ITGA9: variants seen among roughly 807,000 people sequenced by gnomAD.
The protein encoded by ITGA9 is integrin alpha-9.
In ITGA9, 56 loss-of-function variants were observed where a neutral mutation model predicts 127.8. The ratio of observed to expected loss-of-function variants is 0.44; its 90% CI spans 0.35 to 0.55. The LOEUF is 0.55. Ranked by LOEUF, ITGA9 falls within the 20% of genes least tolerant of loss-of-function variation. ITGA9 has a pLI of 0.00. For missense variants in ITGA9, 1,196 were observed against 1,347.1 expected (o/e 0.89, Z 1.76); for synonymous variants, 508 against 514.5 (o/e 0.99, Z 0.17).
Position 37,452,346 on chromosome 3 carries a change from G to C in ITGA9, c.-29G>C, listed in dbSNP as rs1239799985. 3.6e-6 allele frequency: 4 copies of C among 1,105,996 alleles called. No homozygotes were observed. The African/African-American group carries it at 6.7e-5, about 19-fold the overall frequency. 68.5% of individuals were successfully genotyped at this position (1,105,996 alleles called of 1,614,324 possible). A position where few individuals can be genotyped will look rare whatever the true frequency, so the allele number is the denominator to read the frequency against. On this transcript the variant is annotated 5_prime_UTR_variant, in exon 1 of 28. Coordinates refer to ENST00000264741, the MANE Select transcript of ITGA9 (RefSeq NM_002207.3). This position sits in a 1 kb window ranked among gnomAD's most constrained non-coding sequence, Gnocchi z 7.3. The stretch of plus-strand genomic sequence containing the variant: ...GCGCGCTCGGCGCCCTGCTCGCCGG[G>C]CAGAGGGGAAGGCGGCGGCCGGCTG...
rs1317450903 is a variant in ITGA9, at chr3:37,597,383, A to G, written c.1690-31804A>G. On this transcript the variant is annotated intron_variant, in intron 15 of 27. Transcript: ENST00000264741. This position sits in a 1 kb window ranked among gnomAD's most constrained non-coding sequence, Gnocchi z 4.6. The stretch of plus-strand genomic sequence containing the variant: ...GATCAGCCAAGCTGCAGGATAGGTG[A>G]CAGATATGAAACGATAAATGTGGAG... Among the ~76,000 whole-genome samples the G allele has an allele frequency of 6.6e-6, 1 of 152,096 alleles. No homozygotes were observed. Among genetic ancestry groups the G allele is most frequent in the Non-Finnish European group, 1.5e-5 (1 of 68,016 alleles).
rs536324277 is a variant in ITGA9, at chr3:37,724,304, GACCT to G, written c.2068-8404_2068-8401del. 1.7e-3 allele frequency among the ~76,000 whole-genome samples: 261 copies of G among 152,194 alleles called. 3 individuals carry two copies. The South Asian group carries it at 0.024, about 14-fold the overall frequency. ...ATGAGGCAAATTCTTATCCTTTCAA[GACCT>G]ACCCTAGAGTCACCTTTTTTGATAT... On this transcript the variant is annotated intron_variant, in intron 18 of 27. Coordinates refer to ENST00000264741, the MANE Select transcript of ITGA9 (RefSeq NM_002207.3).
chr3:37,698,561 AAT>A (rs1700913071), intron 18 of ITGA9, among the ~76,000 whole-genome samples: 1 of 152,178 alleles, frequency 6.6e-6, no homozygotes, highest in Non-Finnish European at 1.5e-5. Context: ...AATATGCCAC[AAT>A]ATGTTTTCTC....
chr3:37,684,085 TGG>T, intron 18 of ITGA9, 70 bp downstream of exon 18: 3 of 1,277,436 alleles, frequency 2.3e-6, no homozygotes, highest in Non-Finnish European at 3.4e-6. Flanking sequence ...CATTATTGCC[TGG>T]AATAGGCAAT....
chr3:37,727,343 G>A (rs1034077297), intron 18 of ITGA9, among the ~76,000 whole-genome samples: 21 of 152,256 alleles, frequency 1.4e-4, no homozygotes, highest in South Asian at 2.1e-4. Context: ...AATATTGAAC[G>A]TCTTTGCCAG....
chr3:37,779,786 C>A, intron 24 of ITGA9, 116 bp from the exon 25 acceptor site: 1 of 976,370 alleles, frequency 1.0e-6, no homozygotes, highest in Non-Finnish European at 1.6e-6. Context: ...TTGTGGATTT[C>A]CTCTGCCTGG....
chr3:37,471,239 C>G (rs1698428132), intron 2 of ITGA9, 105 bp downstream of exon 2: 1 of 1,232,792 alleles, frequency 8.1e-7, no homozygotes, highest in Non-Finnish European at 1.2e-6. Context: ...TCCATCCTTC[C>G]CTCCTTCCCT....
chr3:37,757,967 C>G (rs1046721448), intron 23 of ITGA9, among the ~76,000 whole-genome samples: 4 of 151,636 alleles, frequency 2.6e-5, no homozygotes, highest in Non-Finnish European at 4.4e-5. Context: ...GGCACACTCA[C>G]GCAAAAATAG....
At chr3:37,773,895 A>AT (rs1696873798) in intron 23 of ITGA9, among the ~76,000 whole-genome samples, 1 of 152,270 alleles carries the variant, frequency 6.6e-6, no homozygotes, top group Non-Finnish European at 1.5e-5. Flanking sequence ...TTAAAATTTT[A>AT]TAAGAATGAT....
At chr3:37,669,852 A>G (rs1700620915) in intron 17 of ITGA9, among the ~76,000 whole-genome samples, 1 of 152,190 alleles carries the variant, frequency 6.6e-6, no homozygotes, top group Non-Finnish European at 1.5e-5. Flanking sequence ...ACCCAAGGGA[A>G]TGGAAGGGGG....
intron 1 of ITGA9, among the ~76,000 whole-genome samples, chr3:37,463,509 A>T (rs1390431324): frequency 1.3e-5 from 2 of 152,160 alleles, no homozygotes; most frequent in Non-Finnish European, 2.9e-5. Flanking sequence ...CTGGGCTTGT[A>T]CACATGGTGG....
intron 22 of ITGA9, among the ~76,000 whole-genome samples, chr3:37,745,267 C>T (rs1696487300): frequency 6.6e-6 from 1 of 152,176 alleles, no homozygotes; most frequent in Non-Finnish European, 1.5e-5. Flanking sequence ...AACCATGATA[C>T]ATAACACATG....
chr3:37,766,089 G>A (rs555170963), intron 23 of ITGA9, among the ~76,000 whole-genome samples: 2 of 152,224 alleles, frequency 1.3e-5, no homozygotes, highest in Non-Finnish European at 2.9e-5. Flanking sequence ...TACCAAAGTC[G>A]ATAACAGGAA....
intron 23 of ITGA9, among the ~76,000 whole-genome samples, chr3:37,755,158 G>A (rs1039456388): frequency 6.6e-6 from 1 of 152,158 alleles, no homozygotes; most frequent in Non-Finnish European, 1.5e-5. Context: ...ACCTTCATAA[G>A]GTAAGATCAG....
At chr3:37,540,936 G>A (rs189634291) in intron 14 of ITGA9, among the ~76,000 whole-genome samples, 21 of 152,348 alleles carry the variant, frequency 1.4e-4, no homozygotes, top group South Asian at 4.1e-4. Context: ...ACAAGTTGGG[G>A]CAGATGGCTC....
intron 23 of ITGA9, among the ~76,000 whole-genome samples, chr3:37,755,540 T>C (rs201421406): frequency 1.3e-5 from 2 of 152,178 alleles, no homozygotes; most frequent in African/African-American, 4.8e-5. Context: ...AGTGTTTCCA[T>C]GAAACAGAAT....
chr3:37,783,953 A>C (rs1697008523), intron 25 of ITGA9, among the ~76,000 whole-genome samples: 1 of 152,120 alleles, frequency 6.6e-6, no homozygotes, highest in African/African-American at 2.4e-5. Flanking sequence ...GTACCCTTGG[A>C]ACTGTTTTCT....
intron 15 of ITGA9, among the ~76,000 whole-genome samples, chr3:37,602,364 G>A (rs1003618814): frequency 6.6e-6 from 1 of 152,082 alleles, no homozygotes; most frequent in African/African-American, 2.4e-5. Context: ...ACTGTTTTAT[G>A]AATAGGAGAT....
chr3:37,580,422 A>T (rs1699698989), intron 15 of ITGA9, among the ~76,000 whole-genome samples: 1 of 152,216 alleles, frequency 6.6e-6, no homozygotes, highest in African/African-American at 2.4e-5. Flanking sequence ...GGTGAGCCTT[A>T]CTATGTGACT....
Sources: gnomAD v4.1 joint callset for allele counts (sites outside exome capture counted in the v4.1 genomes callset) on GRCh38, gnomAD v4.1.1 for gene constraint, Gnocchi (gnomAD v3.1) non-coding constraint, MANE v1.5 for transcripts, NCBI Gene and HGNC (gene_info 2026-07-23, HGNC 2026-07-21) for gene names.